NDUFS7: variants seen among roughly 807,000 people sequenced by gnomAD.
NDUFS7 encodes NADH dehydrogenase [ubiquinone] iron-sulfur protein 7, mitochondrial.
NDUFS7 carries 11 observed loss-of-function variants against 31.1 expected under a neutral mutation model. The ratio of observed to expected loss-of-function variants is 0.35; its 90% CI spans 0.22 to 0.59. The LOEUF is 0.59. Among genes scored for constraint, NDUFS7 ranks in the 20% least tolerant of loss-of-function variants. The pLI, the probability that NDUFS7 is intolerant of heterozygous loss-of-function variation, is 0.79. For missense variants in NDUFS7, 263 were observed against 324.2 expected (o/e 0.81, Z 1.45); for synonymous variants, 136 against 127.9 (o/e 1.06, Z -0.43).
intron 7 of NDUFS7, chr19:1,394,886 C>T (rs1210758110): frequency 2.1e-5 from 23 of 1,120,374 alleles, no homozygotes; most frequent in Non-Finnish European, 2.3e-5. Flanking sequence ...GCGTGGCAGC[C>T]GGGACTGGGG....
rs1258273307 is a variant in NDUFS7, at chr19:1,393,192, G to A, written c.456-50G>A. On this transcript the variant is annotated intron_variant, in intron 6 of 7. Coordinates refer to ENST00000233627, the MANE Select transcript of NDUFS7 (RefSeq NM_024407.5). The surrounding 1 kb of genome is among the most constrained non-coding windows in gnomAD (Gnocchi z 7.3). ...TGGGGCGAGGCCTCGTGGAGGGAGG[G>A]TGGGCAGGCGGGTCTTCGGCACACT... The A allele has an allele frequency of 4.1e-6, 6 of 1,468,620 alleles. No individual in the cohort carries two copies. The highest frequency in any genetic ancestry group is 5.6e-6 in the Non-Finnish European group (6 of 1,079,142). 91.0% of individuals were successfully genotyped at this position (1,468,620 alleles called of 1,614,324 possible). A position where few individuals can be genotyped will look rare whatever the true frequency, so the allele number is the denominator to read the frequency against.
chr19:1,384,092 G>A, intron 1 of NDUFS7, 150 bp downstream of exon 1: 1 of 853,646 alleles, frequency 1.2e-6, no homozygotes, highest in Non-Finnish European at 1.7e-6. Context: ...CGGGCTCCCC[G>A]CCCGGCTTGC....
intron 6 of NDUFS7, chr19:1,392,819 T>C (rs776288016): frequency 1.1e-5 from 3 of 272,698 alleles, no homozygotes; most frequent in Non-Finnish European, 2.2e-5. Context: ...TCTCCTGGGG[T>C]TTCCAGCTCC....
rs145715870 is a variant in NDUFS7 at position 1,387,818 on chromosome 19, C to T, written c.24C>T (p.Gly8=). ...CCGTGGTCCTCTCTGCAGCTCCTGG[C>T]CTGCGCGGCTTCCGGATCCTTGGTC... is the stretch of plus-strand genomic sequence containing the variant. MAVLSAP[G]LRGFRILGLR... The change falls in exon 2 of 8, where the codon GGC becomes GGT. Residue 8 remains glycine (G), a synonymous_variant. Transcript: ENST00000233627. 6.2e-7 allele frequency: 1 copy of T among 1,611,006 alleles called. No homozygotes were observed.
chr19:1,387,784 G>A (rs776647973), intron 1 of NDUFS7, 27 bp from the exon 2 acceptor site: 4 of 1,610,064 alleles, frequency 2.5e-6, no homozygotes, highest in Admixed American at 3.3e-5. Flanking sequence ...GCAGCTCACT[G>A]TTCCCACCCC....
intron 2 of NDUFS7, chr19:1,388,319 A>G (rs1354746501): frequency 1.6e-6 from 1 of 623,872 alleles, no homozygotes; most frequent in Non-Finnish European, 2.9e-6. Context: ...GTCACAAAAG[A>G]AGTTCCATTC....
rs779228151 is a variant in NDUFS7 at position 1,388,866 on chromosome 19, G to A, written c.156G>A (p.Val52=). The A allele has an allele frequency of 6.2e-7, 1 of 1,608,038 alleles. No individual in the cohort carries two copies. Among genetic ancestry groups the A allele is most frequent in the Admixed American group, 1.7e-5 (1 of 59,152 alleles). ...TQPALPKARA[V]APKPSSRGEY... ...CTGCCCTGCCAAAGGCCAGAGCCGT[G>A]GCTCCCAAACCCAGCAGCCGGGGCG... is the stretch of plus-strand genomic sequence containing the variant. The change falls in exon 4 of 8, where the codon GTG becomes GTA. Residue 52 remains valine, a synonymous_variant. Transcript: ENST00000233627.
intron 1 of NDUFS7, 21 bp from the exon 2 acceptor site, chr19:1,387,790 A>G (rs769981977): frequency 6.2e-7 from 1 of 1,609,970 alleles, no homozygotes; most frequent in Non-Finnish European, 8.5e-7. Context: ...CACTGTTCCC[A>G]CCCCGTGGTC....
chr19:1,389,335 A>G, intron 4 of NDUFS7: 2 of 483,400 alleles, frequency 4.1e-6, no homozygotes, highest in South Asian at 3.1e-5. Context: ...ACTCACACAC[A>G]TGCACACACG....
At position 1,395,404 on chromosome 19, in the gene NDUFS7, G is replaced by A. The variant is rs756169958; in HGVS notation, c.558G>A (p.Thr186=). The A allele has an allele frequency of 3.7e-6, 6 of 1,601,026 alleles. No homozygotes were observed. The highest frequency in any genetic ancestry group is 1.7e-5 in the Admixed American group (1 of 57,936). ...AGGTCCCTGCAGGCTGCCCACCTAC[G>A]GCCGAGGCCCTGCTCTACGGCATCC... ...VDIYIPGCPP[T]AEALLYGILQ... is the part of the protein sequence containing the mutation. Residue 186 remains threonine, a synonymous_variant, in exon 8 of 8, where the codon ACG becomes ACA. Transcript: ENST00000233627.
At chr19:1,395,194 G>C in intron 7 of NDUFS7, 197 bp from the exon 8 acceptor site, 1 of 1,424,676 alleles carries the variant, frequency 7.0e-7, no homozygotes. Context: ...CCTTGCCCAG[G>C]GGAGGACCCC....
Position 1,393,801 on chromosome 19 carries a change from A to G in NDUFS7, c.544+471A>G, listed in dbSNP as rs772715606. The G allele has an allele frequency of 2.5e-6, 1 of 398,496 alleles. No homozygotes were observed. Among genetic ancestry groups the G allele is most frequent in the East Asian group, 5.0e-5 (1 of 20,160 alleles). 24.7% of individuals were successfully genotyped at this position (398,496 alleles called of 1,614,324 possible). On this transcript the variant is annotated intron_variant, in intron 7 of 7. Transcript: ENST00000233627. The surrounding 1 kb of genome is among the most constrained non-coding windows in gnomAD (Gnocchi z 7.3). ...GGTTAGGGTGAATTTGACCATCAGG[A>G]AAACTGTTAGTAGTAATTGTTTAGT... is the stretch of plus-strand genomic sequence containing the variant.
At chr19:1,394,241 C>T (rs781652504) in intron 7 of NDUFS7, 85 of 607,960 alleles carry the variant, frequency 1.4e-4, no homozygotes, top group Non-Finnish European at 1.9e-4. Flanking sequence ...GCGTTCTGCA[C>T]GGTTCAGGTC....
chr19:1,388,868 C>T lies in NDUFS7; in HGVS notation c.158C>T (p.Ala53Val), dbSNP rs565395435. 4.7e-5 allele frequency: 75 copies of T among 1,608,046 alleles called. No homozygotes were observed. The Middle Eastern group carries it at 6.6e-4, about 14-fold the overall frequency. Residue 53 changes from alanine to valine, a missense_variant, in exon 4 of 8, where the codon GCT (alanine) becomes GTT (valine). By Grantham distance (64) the Ala-to-Val change is moderately conservative (BLOSUM62 0). Coordinates refer to ENST00000233627, the MANE Select transcript of NDUFS7 (RefSeq NM_024407.5). Reference sequence around the variant, plus strand: ...GCCCTGCCAAAGGCCAGAGCCGTGGCTCCCAAACCCAGCAGCCGGGGCGAG... The same window carrying T: ...GCCCTGCCAAAGGCCAGAGCCGTGGTTCCCAAACCCAGCAGCCGGGGCGAG... Reference protein sequence around the residue: ...QPALPKARAVAPKPSSRGEYV... With the variant: ...QPALPKARAVVPKPSSRGEYV...
intron 4 of NDUFS7, chr19:1,389,455 GC>G: frequency 2.2e-6 from 1 of 457,844 alleles, no homozygotes; most frequent in Non-Finnish European, 4.4e-6. Context: ...CCTCCCGGAG[GC>G]CCCTGTGCTG....
At chr19:1,387,692 C>A in intron 1 of NDUFS7, 119 bp from the exon 2 acceptor site, 1 of 868,236 alleles carries the variant, frequency 1.2e-6, no homozygotes, top group Non-Finnish European at 1.9e-6. Flanking sequence ...TGTTAAGTGG[C>A]ACTCGAGTTG....
At position 1,391,148 on chromosome 19, in the gene NDUFS7, C is replaced by T. The variant is rs575106720; in HGVS notation, c.438C>T (p.Tyr146=). 6.2e-6 allele frequency: 10 copies of T among 1,612,486 alleles called. No homozygotes were observed. The highest frequency in any genetic ancestry group is 2.7e-5 in the African/African-American group (2 of 74,942). The part of the protein sequence containing the change: ...KVYDQMPEPR[Y]VVSMGSCANG... ...ACGACCAGATGCCGGAGCCGCGCTACGTGGTCTCCATGGGGAGGTGAGTGC... is the reference window on the plus strand; with the variant it reads ...ACGACCAGATGCCGGAGCCGCGCTATGTGGTCTCCATGGGGAGGTGAGTGC... The change falls in exon 6 of 8, where the codon TAC becomes TAT. Residue 146 remains tyrosine, a synonymous_variant. Coordinates refer to ENST00000233627, the MANE Select transcript of NDUFS7 (RefSeq NM_024407.5).
At chr19:1,389,555 G>A (rs926235953) in intron 4 of NDUFS7, 9 of 455,030 alleles carry the variant, frequency 2.0e-5, no homozygotes, top group Admixed American at 1.4e-4. Context: ...GCGTCCGTGT[G>A]TTCCTCTTGT....
At chr19:1,392,988 C>T (rs1463400624) in intron 6 of NDUFS7, 16 of 576,982 alleles carry the variant, frequency 2.8e-5, no homozygotes, top group East Asian at 8.7e-5. Flanking sequence ...CCCCGGGAAT[C>T]GGTGGTCAGG....
Sources: gnomAD v4.1 joint callset for allele counts on GRCh38, gnomAD v4.1.1 for gene constraint, Gnocchi (gnomAD v3.1) non-coding constraint, MANE v1.5 for transcripts, NCBI Gene and HGNC (gene_info 2026-07-23, HGNC 2026-07-21) for gene names.